The following NBAS variants were observed in gnomAD, a reference collection of about 807,000 sequenced individuals.
The protein encoded by NBAS is NAG/BC035112 fusion.
In NBAS, 219 loss-of-function variants were observed where a neutral mutation model predicts 302.5. That is an observed-to-expected ratio of 0.72 (90% CI 0.65 to 0.81). The LOEUF (loss-of-function observed/expected upper bound fraction) is 0.81, where lower values mean the gene tolerates loss of function less well. NBAS is among the 30% of genes least tolerant of loss of function. NBAS has a pLI of 0.00. For missense variants in NBAS, 2,932 were observed against 2,841.6 expected (o/e 1.03, Z -0.72); for synonymous variants, 1,118 against 1,021.6 (o/e 1.09, Z -1.80).
intron 44 of NBAS, among the ~76,000 whole-genome samples, chr2:15,249,686 T>C (rs1396813573): frequency 6.6e-6 from 1 of 152,116 alleles, no homozygotes; most frequent in Non-Finnish European, 1.5e-5. Flanking sequence ...CAGAGCCAAA[T>C]CATGAGTGAA....
the NBAS span, among the ~76,000 whole-genome samples, chr2:14,887,820 C>A: frequency 5.6e-3 from 844 of 151,666 alleles, 11 homozygotes; most frequent in Non-Finnish European, 5.7e-3. Context: ...ATTAAAGCCT[C>A]CCACAGTCTG....
rs539359343 is a variant in NBAS, at chr2:15,218,549, G to A, written c.6432+224C>T. ...AGCGATTCTCCTGCCTCAGCCTCCC[G>A]AGCAGCTGGGACTACAGATGCGTGC... is the stretch of plus-strand genomic sequence containing the variant. On this transcript the variant is annotated intron_variant, in intron 48 of 51. Coordinates refer to ENST00000281513, the MANE Select transcript of NBAS (RefSeq NM_015909.4). Among the ~76,000 whole-genome samples, 17 of 152,160 alleles carry A rather than the reference G, an allele frequency of 1.1e-4. No individual in the cohort carries two copies. The South Asian group carries it at 2.9e-3, about 26-fold the overall frequency.
the NBAS span, among the ~76,000 whole-genome samples, chr2:14,859,172 A>G: frequency 1.1e-4 from 17 of 152,142 alleles, no homozygotes; most frequent in South Asian, 3.3e-3. Context: ...ACACTGATGA[A>G]AGGAGTTGAA....
chr2:15,156,984 TCACA>T, the NBAS span, among the ~76,000 whole-genome samples: 1 of 151,790 alleles, frequency 6.6e-6, no homozygotes, highest in Non-Finnish European at 1.5e-5. Context: ...CACCCCCCTC[TCACA>T]CACACACACT....
chr2:14,869,499 T>C, the NBAS span, among the ~76,000 whole-genome samples: 1 of 152,170 alleles, frequency 6.6e-6, no homozygotes, highest in Non-Finnish European at 1.5e-5. Flanking sequence ...CTCCTTCTTT[T>C]ATGTTTTAAT....
intron 21 of NBAS, among the ~76,000 whole-genome samples, chr2:15,439,454 A>G (rs1425673840): frequency 6.6e-6 from 1 of 151,958 alleles, no homozygotes; most frequent in African/African-American, 2.4e-5. Flanking sequence ...CCCCAGAAAA[A>G]AGCTTCAGAA....
intron 6 of NBAS, among the ~76,000 whole-genome samples, chr2:15,540,418 T>G (rs752678762): frequency 1.3e-5 from 2 of 151,986 alleles, no homozygotes; most frequent in Non-Finnish European, 2.9e-5. Flanking sequence ...CTTGGCCTAC[T>G]AACAGGTCTT....
chr2:15,342,487 A>G (rs13428288), intron 35 of NBAS, among the ~76,000 whole-genome samples: 8,955 of 152,172 alleles, frequency 0.059, 736 homozygotes, highest in African/African-American at 0.19. Context: ...TTAGTTTACA[A>G]AACAAAATAA....
chr2:15,251,662 C>T (rs1354496562), intron 44 of NBAS, among the ~76,000 whole-genome samples: 3 of 152,142 alleles, frequency 2.0e-5, no homozygotes, highest in African/African-American at 7.2e-5. Flanking sequence ...CTGACATCAC[C>T]ATGGCATTTG....
the NBAS span, among the ~76,000 whole-genome samples, chr2:14,828,525 G>A: frequency 6.6e-6 from 1 of 152,142 alleles, no homozygotes; most frequent in African/African-American, 2.4e-5. Flanking sequence ...TTTATTCTAG[G>A]CTCAATGGGA....
chr2:15,487,192 A>C (rs1680665851), intron 12 of NBAS, among the ~76,000 whole-genome samples: 1 of 152,248 alleles, frequency 6.6e-6, no homozygotes, highest in Non-Finnish European at 1.5e-5. Context: ...ATACAGAGAG[A>C]ACATCAGGCT....
At chr2:15,467,262 G>T (rs973220933) in intron 19 of NBAS, 67 bp downstream of exon 19, 2 of 1,134,164 alleles carry the variant, frequency 1.8e-6, no homozygotes, top group Non-Finnish European at 2.7e-6. Context: ...CCGATATTAG[G>T]GCAGCCATAG....
the NBAS span, among the ~76,000 whole-genome samples, chr2:14,794,981 A>G: frequency 7.9e-5 from 12 of 152,234 alleles, 1 homozygote; most frequent in East Asian, 2.1e-3. Context: ...GGGGATATCA[A>G]TTTGTTTGTC....
chr2:15,272,660 A>G (rs1669374878), intron 44 of NBAS, among the ~76,000 whole-genome samples: 1 of 152,356 alleles, frequency 6.6e-6, no homozygotes. Flanking sequence ...TACTTGAATC[A>G]GTAGAAAATC....
At chr2:15,055,330 A>G in the NBAS span, among the ~76,000 whole-genome samples, 1 of 152,216 alleles carries the variant, frequency 6.6e-6, no homozygotes, top group Admixed American at 6.5e-5. Context: ...GACCTCCCAG[A>G]GAGAGTACTT....
chr2:15,161,697 AG>A, the NBAS span, among the ~76,000 whole-genome samples: 1 of 152,078 alleles, frequency 6.6e-6, no homozygotes, highest in Non-Finnish European at 1.5e-5. Context: ...CAGTGGCTTG[AG>A]CTCCACCCAG....
At chr2:14,836,710 T>C in the NBAS span, among the ~76,000 whole-genome samples, 10 of 151,948 alleles carry the variant, frequency 6.6e-5, no homozygotes, top group East Asian at 1.9e-3. Flanking sequence ...AGCATAATTC[T>C]GCGTACAGTC....
At chr2:15,558,173 C>T (rs1664732999) in intron 2 of NBAS, among the ~76,000 whole-genome samples, 1 of 152,172 alleles carries the variant, frequency 6.6e-6, no homozygotes, top group Admixed American at 6.5e-5. Flanking sequence ...ATAGGGTTTG[C>T]ACTTCCCTGA....
chr2:14,878,475 T>A, the NBAS span, among the ~76,000 whole-genome samples: 1 of 152,162 alleles, frequency 6.6e-6, no homozygotes. Flanking sequence ...GTGGGCCAGC[T>A]TCCTTTGGCC....
Sources: gnomAD v4.1 joint callset for allele counts (sites outside exome capture counted in the v4.1 genomes callset) on GRCh38, gnomAD v4.1.1 for gene constraint, MANE v1.5 for transcripts, NCBI Gene and HGNC (gene_info 2026-07-23, HGNC 2026-07-21) for gene names.